Variants in PTPRD observed in about 807,000 individuals in gnomAD.
The protein encoded by PTPRD is receptor-type tyrosine-protein phosphatase delta.
PTPRD carries 34 observed loss-of-function variants against 214.5 expected under a neutral mutation model. The observed-to-expected ratio is 0.16, with a 90% CI of 0.12 to 0.21. The LOEUF is 0.21. PTPRD is among the 10% of genes least tolerant of loss of function. PTPRD has a pLI of 1.00. For missense variants in PTPRD, 2,545 were observed against 2,398.7 expected (o/e 1.06, Z -1.27); for synonymous variants, 1,128 against 845.7 (o/e 1.33, Z -5.79).
chr9:9,841,873 T>C (rs937108392), intron 5 of PTPRD, among the ~76,000 whole-genome samples: 2 of 152,154 alleles, frequency 1.3e-5, no homozygotes, highest in Non-Finnish European at 1.5e-5. Context: ...TCTTAAGAAA[T>C]ATCTGTTGGA....
intron 5 of PTPRD, among the ~76,000 whole-genome samples, chr9:9,797,899 A>G (rs1255643034): frequency 1.3e-5 from 2 of 152,184 alleles, no homozygotes; most frequent in Non-Finnish European, 2.9e-5. Context: ...ATTGGGAAGG[A>G]AGTAGTAATA....
At chr9:8,524,715 C>A (rs2097971827) in intron 18 of PTPRD, 3 of 694,316 alleles carry the variant, frequency 4.3e-6, no homozygotes, top group East Asian at 2.6e-5. Context: ...AAACTCCAAG[C>A]CTCAGGACAG....
At chr9:10,181,772 GA>G (rs527849801) in intron 3 of PTPRD, among the ~76,000 whole-genome samples, 3 of 141,146 alleles carry the variant, frequency 2.1e-5, no homozygotes, top group African/African-American at 2.6e-5. Context: ...TTACATGGAG[GA>G]AAAAAAAAAC....
At chr9:10,441,035 G>A (rs553136593) in intron 2 of PTPRD, among the ~76,000 whole-genome samples, 53 of 151,718 alleles carry the variant, frequency 3.5e-4, no homozygotes, top group African/African-American at 1.2e-3. Flanking sequence ...ATATCCACAT[G>A]TTCTCAAATT....
rs963427049 is a variant in PTPRD, at chr9:8,316,528, T to TAAACA, written c.*1341_*1345dup. ...AATATACGATTGAATACACTTTTTT[T>TAAACA]AAACAACTCGATAGCTGATATATTA... On this transcript the variant is annotated 3_prime_UTR_variant, in exon 46 of 46. Coordinates refer to ENST00000381196, the MANE Select transcript of PTPRD (RefSeq NM_002839.4). 3 of 230,602 alleles carry TAAACA rather than the reference T, an allele frequency of 1.3e-5. No homozygotes were observed. The highest frequency in any genetic ancestry group is 2.6e-5 in the Non-Finnish European group (3 of 116,144). The allele number at this position is 230,602 out of a possible 1,614,324, so 14.3% of individuals were successfully genotyped here. A position where few individuals can be genotyped will look rare whatever the true frequency, so the allele number is the denominator to read the frequency against.
At chr9:9,106,168 G>A (rs1318255535) in intron 10 of PTPRD, among the ~76,000 whole-genome samples, 1 of 151,862 alleles carries the variant, frequency 6.6e-6, no homozygotes, top group Non-Finnish European at 1.5e-5. Context: ...TGTGTTATAG[G>A]GCTTCAGGTA....
At chr9:9,386,276 T>G (rs2063839751) in intron 9 of PTPRD, among the ~76,000 whole-genome samples, 1 of 152,120 alleles carries the variant, frequency 6.6e-6, no homozygotes, top group South Asian at 2.1e-4. Context: ...ATGAACCACA[T>G]GGGGATTCAT....
chr9:10,574,543 T>C (rs1391352034), intron 2 of PTPRD, among the ~76,000 whole-genome samples: 2 of 149,588 alleles, frequency 1.3e-5, no homozygotes, highest in South Asian at 2.2e-4. Context: ...GGAAAAAAAA[T>C]ATATCATTTC....
chr9:10,505,381 G>C (rs987444074), intron 2 of PTPRD, among the ~76,000 whole-genome samples: 1 of 152,114 alleles, frequency 6.6e-6, no homozygotes, highest in Non-Finnish European at 1.5e-5. Context: ...CATAAAACAA[G>C]GGTTCCTGTT....
chr9:8,803,656 G>A (rs1025872327), intron 11 of PTPRD, among the ~76,000 whole-genome samples: 5 of 151,774 alleles, frequency 3.3e-5, no homozygotes, highest in Non-Finnish European at 5.9e-5. Context: ...TCTAAGAGGT[G>A]AAGCCTACAG....
At chr9:8,807,134 C>G (rs1001749659) in intron 11 of PTPRD, among the ~76,000 whole-genome samples, 1 of 152,030 alleles carries the variant, frequency 6.6e-6, no homozygotes, top group East Asian at 1.9e-4. Context: ...CTCAGGAGTT[C>G]GAGACCAGCC....
chr9:10,286,163 A>G (rs1433938318), intron 3 of PTPRD, among the ~76,000 whole-genome samples: 1 of 152,128 alleles, frequency 6.6e-6, no homozygotes, highest in Non-Finnish European at 1.5e-5. Context: ...TGCATGTACC[A>G]AATAAGGAAA....
intron 7 of PTPRD, among the ~76,000 whole-genome samples, chr9:9,613,964 C>A (rs1237803704): frequency 6.6e-6 from 1 of 152,140 alleles, no homozygotes; most frequent in South Asian, 2.1e-4. Flanking sequence ...TGAAATGATG[C>A]TCTGTTACAG....
chr9:9,282,017 T>C (rs188958912), intron 9 of PTPRD, among the ~76,000 whole-genome samples: 1 of 151,274 alleles, frequency 6.6e-6, no homozygotes, highest in Admixed American at 6.6e-5. Flanking sequence ...AAAAGCTACA[T>C]CCTGAATTAT....
intron 5 of PTPRD, among the ~76,000 whole-genome samples, chr9:9,849,301 CT>C (rs34782225): frequency 0.1 from 15,282 of 151,706 alleles, 828 homozygotes; most frequent in South Asian, 0.19. Flanking sequence ...TGAATTTATT[CT>C]AGAAGACAGG....
chr9:8,742,307 T>G (rs1346093126), intron 11 of PTPRD, among the ~76,000 whole-genome samples: 2 of 152,188 alleles, frequency 1.3e-5, no homozygotes, highest in East Asian at 3.9e-4. Flanking sequence ...CATTGAGGAA[T>G]GACTAAATTT....
chr9:10,408,217 A>G (rs1195985257), intron 2 of PTPRD, among the ~76,000 whole-genome samples: 3 of 151,498 alleles, frequency 2.0e-5, no homozygotes, highest in African/African-American at 4.8e-5. Flanking sequence ...ACCAAGAATG[A>G]AGCCTTCCTA....
intron 10 of PTPRD, among the ~76,000 whole-genome samples, chr9:9,180,019 C>A (rs76423596): frequency 0.023 from 3,531 of 151,948 alleles, 158 homozygotes; most frequent in African/African-American, 0.081. Context: ...TTTTTATTGG[C>A]AAGAGTGAAA....
chr9:9,784,764 T>C (rs2098904944), intron 5 of PTPRD, among the ~76,000 whole-genome samples: 1 of 140,992 alleles, frequency 7.1e-6, no homozygotes, highest in African/African-American at 2.5e-5. Flanking sequence ...TAAAATTTTA[T>C]GTGTGTGTGT....
Sources: allele counts gnomAD v4.1 joint callset (sites outside exome capture counted in the v4.1 genomes callset), GRCh38; gene constraint gnomAD v4.1.1; transcripts MANE v1.5; gene names NCBI Gene and HGNC (gene_info 2026-07-23, HGNC 2026-07-21).